The following KIAA1328 variants were observed in gnomAD, a reference collection of about 807,000 sequenced individuals.
KIAA1328 encodes the protein protein hinderin.
Under a neutral mutation model 68.1 loss-of-function variants are expected in KIAA1328, and 52 were observed. That is an observed-to-expected ratio of 0.76 (90% CI 0.61 to 0.96). KIAA1328 has a LOEUF of 0.96. KIAA1328 is among the 40% of genes least tolerant of loss of function. The pLI, the probability that KIAA1328 is intolerant of heterozygous loss-of-function variation, is 0.00. For synonymous variants in KIAA1328, 232 were observed against 239.4 expected (o/e 0.97, Z 0.28); for missense variants, 641 against 677.6 (o/e 0.95, Z 0.60).
At chr18:36,852,860 CTTA>C (rs1363956892) in intron 4 of KIAA1328, among the ~76,000 whole-genome samples, 2 of 152,088 alleles carry the variant, frequency 1.3e-5, no homozygotes, top group African/African-American at 4.8e-5. Context: ...GCCACACTTT[CTTA>C]TTCTTCTTCT....
intron 7 of KIAA1328, among the ~76,000 whole-genome samples, chr18:37,138,704 G>A (rs778333584): frequency 6.6e-5 from 10 of 151,758 alleles, no homozygotes; most frequent in African/African-American, 2.2e-4. Context: ...TACTGCCATC[G>A]TAACACCTGC....
chr18:36,844,213 C>A lies in KIAA1328; in HGVS notation c.243C>A (p.Ser81=). The stretch of plus-strand genomic sequence containing the variant: ...CTAAATTTTTTTTTTTTAAGAATTC[C>A]TGCAGGGGAGAAATAAAGAGTGCAT... ...GTGDSVDEQN[S]CRGEIKSASL... The change falls in exon 4 of 10, where the codon TCC becomes TCA. Residue 81 remains serine (S), a synonymous_variant. Coordinates refer to ENST00000280020, the MANE Select transcript of KIAA1328 (RefSeq NM_020776.3). 6.3e-7 allele frequency: 1 copy of A among 1,581,592 alleles called. No homozygotes were observed. Among genetic ancestry groups the A allele is most frequent in the Non-Finnish European group, 8.6e-7 (1 of 1,167,160 alleles).
At chr18:36,891,015 T>C (rs2048668199) in intron 5 of KIAA1328, among the ~76,000 whole-genome samples, 1 of 152,184 alleles carries the variant, frequency 6.6e-6, no homozygotes, top group South Asian at 2.1e-4. Flanking sequence ...ACCAGCCTAC[T>C]AAAGCAGAAT....
intron 3 of KIAA1328, among the ~76,000 whole-genome samples, chr18:36,841,937 C>G (rs2150797702): frequency 6.7e-6 from 1 of 148,720 alleles, no homozygotes; most frequent in South Asian, 2.2e-4. Context: ...TTTTTTTTCC[C>G]TCTATGGCTC....
intron 7 of KIAA1328, among the ~76,000 whole-genome samples, chr18:37,127,091 T>G (rs2058411367): frequency 6.6e-6 from 1 of 152,124 alleles, no homozygotes; most frequent in Non-Finnish European, 1.5e-5. Context: ...GAAAAAGAAA[T>G]AAAAGGCTAC....
At chr18:37,173,170 A>T in intron 9 of KIAA1328, 89 bp downstream of exon 9, 1 of 957,680 alleles carries the variant, frequency 1.0e-6, no homozygotes, top group East Asian at 2.5e-5. Flanking sequence ...AAAAATCTTG[A>T]CAACTCTTAG....
intron 5 of KIAA1328, among the ~76,000 whole-genome samples, chr18:36,925,993 T>G (rs919233110): frequency 4.0e-5 from 6 of 151,372 alleles, no homozygotes; most frequent in African/African-American, 1.5e-4. Context: ...TATCTCAACT[T>G]TTTTTTTTCT....
chr18:37,033,265 C>G (rs559400566), intron 6 of KIAA1328, among the ~76,000 whole-genome samples: 1 of 152,188 alleles, frequency 6.6e-6, no homozygotes, highest in Non-Finnish European at 1.5e-5. Flanking sequence ...AGGTGTTTTT[C>G]TGTTGACTTA....
chr18:37,157,674 G>A (rs1215153666), intron 7 of KIAA1328, among the ~76,000 whole-genome samples: 2 of 151,816 alleles, frequency 1.3e-5, no homozygotes, highest in African/African-American at 4.8e-5. Flanking sequence ...GCCGGACATG[G>A]TGGTGTGTGC....
intron 9 of KIAA1328, among the ~76,000 whole-genome samples, chr18:37,175,361 A>G (rs2059579292): frequency 1.3e-5 from 2 of 152,226 alleles, no homozygotes; most frequent in African/African-American, 4.8e-5. Context: ...GATCATATCA[A>G]CATTGTAGAG....
chr18:37,064,576 G>A lies in KIAA1328; in HGVS notation c.577-2314G>A, dbSNP rs146932540. 1.0e-4 allele frequency among the ~76,000 whole-genome samples: 14 copies of A among 139,666 alleles called. No individual in the cohort carries two copies. In the East Asian group the frequency reaches 2.7e-3, roughly 27 times the overall value. 91.6% of individuals were successfully genotyped at this position (139,666 alleles called of 152,430 possible). A position where few individuals can be genotyped will look rare whatever the true frequency, so the allele number is the denominator to read the frequency against. The stretch of plus-strand genomic sequence containing the variant: ...TATGACCATGTCTTAATTCCCGAAT[G>A]TCACGTTATGTGTCACAAGGGACTT... On this transcript the variant is annotated intron_variant, in intron 6 of 9. Transcript: ENST00000280020.
At chr18:36,995,449 T>G (rs182323064) in intron 6 of KIAA1328, among the ~76,000 whole-genome samples, 61 of 152,308 alleles carry the variant, frequency 4.0e-4, no homozygotes, top group Non-Finnish European at 5.9e-5. Flanking sequence ...TTTCTAACAT[T>G]CAAAGTTTTG....
intron 6 of KIAA1328, among the ~76,000 whole-genome samples, chr18:37,059,989 C>T (rs1477628257): frequency 6.6e-6 from 1 of 150,620 alleles, no homozygotes; most frequent in Non-Finnish European, 1.5e-5. Context: ...AGGGGAACAT[C>T]ACACACTGGG....
At chr18:37,001,542 T>TA (rs2053585476) in intron 6 of KIAA1328, among the ~76,000 whole-genome samples, 1 of 152,138 alleles carries the variant, frequency 6.6e-6, no homozygotes. Flanking sequence ...GTTACCCTGA[T>TA]ACCAAATTTA....
chr18:36,853,954 G>A (rs867110283), intron 4 of KIAA1328, among the ~76,000 whole-genome samples: 26 of 151,998 alleles, frequency 1.7e-4, no homozygotes, highest in African/African-American at 5.8e-4. Flanking sequence ...CACTGCACCC[G>A]GCCCACTGTG....
At chr18:36,843,724 T>C (rs2150806222) in intron 3 of KIAA1328, among the ~76,000 whole-genome samples, 1 of 152,294 alleles carries the variant, frequency 6.6e-6, no homozygotes, top group East Asian at 1.9e-4. Context: ...ATTCCTGGCA[T>C]GAAGTGAGCA....
rs1452530203 is a variant in KIAA1328 at position 37,066,957 on chromosome 18, C to A, written c.644C>A (p.Ala215Asp). The A allele has an allele frequency of 4.3e-6, 7 of 1,612,002 alleles. No homozygotes were observed. In the African/African-American group the frequency reaches 9.3e-5, roughly 22 times the overall value. Residue 215 changes from alanine to aspartate, a missense_variant, in exon 7 of 10, where the codon GCC becomes GAC. Physicochemically the swap from Ala to Asp is moderately radical, Grantham distance 126 (BLOSUM62 -2). Transcript: ENST00000280020. ...CTGGATGGTTCCTACTTGAGCATAG[C>A]CAGACCACAGACCTACTATCAAACC... The part of the protein sequence containing the change: ...VELDGSYLSI[A>D]RPQTYYQTKQ...
chr18:37,029,366 C>T (rs1210880624), intron 6 of KIAA1328, among the ~76,000 whole-genome samples: 3 of 151,918 alleles, frequency 2.0e-5, no homozygotes, highest in Non-Finnish European at 4.4e-5. Context: ...TCTGCCTCGT[C>T]ATTTCTGATT....
chr18:36,848,541 CTTT>C (rs59271370), intron 4 of KIAA1328, among the ~76,000 whole-genome samples: 56 of 38,134 alleles, frequency 1.5e-3, no homozygotes, highest in African/African-American at 5.8e-3. Context: ...TCTATAGATG[CTTT>C]TTTTTTTTTT....
Sources: allele counts gnomAD v4.1 joint callset (sites outside exome capture counted in the v4.1 genomes callset), GRCh38; gene constraint gnomAD v4.1.1; transcripts MANE v1.5; gene names NCBI Gene and HGNC (gene_info 2026-07-23, HGNC 2026-07-21).